The following B3GALT1 variants were observed in gnomAD, a reference collection of about 807,000 sequenced individuals.
B3GALT1 encodes beta-1,3-galactosyltransferase 1, also known as UDP-Gal:betaGlcNAc beta 1,3-galactosyltransferase, polypeptide 1.
Under a neutral mutation model 23.2 loss-of-function variants are expected in B3GALT1, and 10 were observed. That is an observed-to-expected ratio of 0.43 (90% confidence interval 0.27 to 0.73). The LOEUF is 0.73. Ranked by LOEUF, B3GALT1 falls within the 30% of genes least tolerant of loss-of-function variation. The pLI is 0.21. For missense variants in B3GALT1, 299 were observed against 405.4 expected (o/e 0.74, Z 2.25); for synonymous variants, 156 against 141.5 (o/e 1.10, Z -0.73).
intron 3 of B3GALT1, among the ~76,000 whole-genome samples, chr2:167,699,380 ATTTTTT>A (rs1169813738): frequency 0.12 from 12,273 of 100,394 alleles, 535 homozygotes; most frequent in East Asian, 0.36. Context: ...CATTATTTCT[ATTTTTT>A]TTTTTTTTTT....
chr2:167,731,401 A>G (rs1485962072), intron 3 of B3GALT1, among the ~76,000 whole-genome samples: 1 of 152,136 alleles, frequency 6.6e-6, no homozygotes, highest in Non-Finnish European at 1.5e-5. Flanking sequence ...AAAAGGTTTC[A>G]TATTTTGTGT....
At position 167,421,316 on chromosome 2, in the gene B3GALT1, A is replaced by G. The variant is rs541703731; in HGVS notation, c.-510-68861A>G. On this transcript the variant is annotated intron_variant, in intron 1 of 4. Coordinates refer to ENST00000392690, the MANE Select transcript of B3GALT1 (RefSeq NM_020981.4). ...CACATCAAACAAGGAAGAACTTTCC[A>G]TTATCACAAAAAGTTGTATTGGACA... Among the ~76,000 whole-genome samples the G allele has an allele frequency of 1.1e-4, 16 of 152,350 alleles. No individual in the cohort carries two copies. The East Asian group carries it at 3.1e-3, about 29-fold the overall frequency.
At chr2:167,393,792 A>G (rs1043907480) in intron 1 of B3GALT1, among the ~76,000 whole-genome samples, 3 of 152,338 alleles carry the variant, frequency 2.0e-5, no homozygotes, top group South Asian at 2.1e-4. Flanking sequence ...GTTAAAGGCA[A>G]TAAATGGACC....
At chr2:167,439,339 A>G (rs547766133) in intron 1 of B3GALT1, among the ~76,000 whole-genome samples, 1 of 152,252 alleles carries the variant, frequency 6.6e-6, no homozygotes, top group South Asian at 2.1e-4. Context: ...TATTTTTCAC[A>G]TCAATATTGT....
At chr2:167,446,206 G>T (rs1338879909) in intron 1 of B3GALT1, among the ~76,000 whole-genome samples, 3 of 152,154 alleles carry the variant, frequency 2.0e-5, no homozygotes, top group African/African-American at 4.8e-5. Flanking sequence ...CTTTCTTCTG[G>T]CTTGTAGAGT....
intron 2 of B3GALT1, among the ~76,000 whole-genome samples, chr2:167,501,032 T>C (rs1311750246): frequency 6.6e-6 from 1 of 152,092 alleles, no homozygotes; most frequent in African/African-American, 2.4e-5. Context: ...AGAGAACCCA[T>C]TTAAAATAGA....
chr2:167,312,564 A>G (rs1436068413), intron 1 of B3GALT1, among the ~76,000 whole-genome samples: 1 of 152,070 alleles, frequency 6.6e-6, no homozygotes, highest in African/African-American at 2.4e-5. Flanking sequence ...ACAGGCACCA[A>G]TAGAAAATGT....
At position 167,821,680 on chromosome 2, in the gene B3GALT1, C is replaced by T. The variant is rs143472513; in HGVS notation, c.-230+2887C>T. Among the ~76,000 whole-genome samples, 1,482 of 152,214 alleles carry T rather than the reference C, an allele frequency of 9.7e-3. 30 individuals carry two copies. Among genetic ancestry groups the T allele is most frequent in the African/African-American group, 0.034 (1,412 of 41,544 alleles). On this transcript the variant is annotated intron_variant, in intron 4 of 4. Coordinates refer to ENST00000392690, the MANE Select transcript of B3GALT1 (RefSeq NM_020981.4). ...GAACTCTTGACCTCAGGTGATCCAC[C>T]CGCCTCATCCTCCCAAAGTGCTGAG...
intron 3 of B3GALT1, among the ~76,000 whole-genome samples, chr2:167,668,534 C>T (rs1176375422): frequency 1.2e-4 from 19 of 152,098 alleles, no homozygotes; most frequent in African/African-American, 2.9e-4. Context: ...CAATGGCGGG[C>T]ACCCCTCCCC....
intron 3 of B3GALT1, among the ~76,000 whole-genome samples, chr2:167,808,127 C>G (rs1049944166): frequency 1.3e-5 from 2 of 151,476 alleles, no homozygotes; most frequent in Admixed American, 1.3e-4. Flanking sequence ...ATTGCAACCC[C>G]TGCCTTTTTT....
chr2:167,657,531 T>G (rs1558939130), intron 3 of B3GALT1, among the ~76,000 whole-genome samples: 1 of 152,096 alleles, frequency 6.6e-6, no homozygotes, highest in Non-Finnish European at 1.5e-5. Flanking sequence ...TGCTTGTAAT[T>G]CACAGAAAAT....
chr2:167,363,240 G>C (rs1348413276), intron 1 of B3GALT1, among the ~76,000 whole-genome samples: 1 of 151,734 alleles, frequency 6.6e-6, no homozygotes, highest in Non-Finnish European at 1.5e-5. Context: ...TCTGACGCAC[G>C]CCTCTAAAAT....
chr2:167,483,412 C>A (rs951048565), intron 1 of B3GALT1, among the ~76,000 whole-genome samples: 1 of 152,098 alleles, frequency 6.6e-6, no homozygotes, highest in Non-Finnish European at 1.5e-5. Context: ...AATCAAAACA[C>A]AAATAAGAAT....
At chr2:167,867,139 G>A (rs1574310360) in intron 4 of B3GALT1, among the ~76,000 whole-genome samples, 1 of 152,210 alleles carries the variant, frequency 6.6e-6, no homozygotes, top group Non-Finnish European at 1.5e-5. Context: ...TTTTAGCCAG[G>A]ATGGTCTCGA....
At chr2:167,300,274 C>T (rs1478017647) in intron 1 of B3GALT1, among the ~76,000 whole-genome samples, 7 of 152,072 alleles carry the variant, frequency 4.6e-5, no homozygotes, top group Admixed American at 4.6e-4. Flanking sequence ...GATTTTATGT[C>T]ATTGTAAGCC....
intron 3 of B3GALT1, among the ~76,000 whole-genome samples, chr2:167,666,458 T>G (rs1239103049): frequency 6.6e-6 from 1 of 152,062 alleles, no homozygotes; most frequent in Non-Finnish European, 1.5e-5. Context: ...TGTAGATGTC[T>G]GTTAGGTCCG....
At chr2:167,728,750 A>G (rs1461082684) in intron 3 of B3GALT1, among the ~76,000 whole-genome samples, 1 of 152,168 alleles carries the variant, frequency 6.6e-6, no homozygotes, top group African/African-American at 2.4e-5. Context: ...TAATGATTGC[A>G]TATTGTTTAA....
intron 4 of B3GALT1, among the ~76,000 whole-genome samples, chr2:167,833,143 C>T (rs1339299255): frequency 6.6e-6 from 1 of 152,216 alleles, no homozygotes; most frequent in Admixed American, 6.5e-5. Flanking sequence ...CCTTAGATAA[C>T]ACATTATGCA....
At chr2:167,666,896 CTT>C (rs1686204730) in intron 3 of B3GALT1, among the ~76,000 whole-genome samples, 2 of 152,170 alleles carry the variant, frequency 1.3e-5, no homozygotes, top group Admixed American at 6.5e-5. Flanking sequence ...AGTCTTGACT[CTT>C]TATCCAATTT....
Sources: gnomAD v4.1 joint callset for allele counts (sites outside exome capture counted in the v4.1 genomes callset) on GRCh38, gnomAD v4.1.1 for gene constraint, MANE v1.5 for transcripts, NCBI Gene and HGNC (gene_info 2026-07-23, HGNC 2026-07-21) for gene names.